SHROOM3: variants seen among roughly 807,000 people sequenced by gnomAD.
SHROOM3 encodes shroom family member 3, also known as protein Shroom3.
A neutral mutation model predicts 138.6 loss-of-function variants in SHROOM3; 47 were observed. The observed-to-expected ratio is 0.34, with a 90% CI of 0.27 to 0.43. The LOEUF is 0.43. Ranked by LOEUF, SHROOM3 falls within the 20% of genes least tolerant of loss-of-function variation. The pLI is 1.00. For synonymous variants in SHROOM3, 1,062 were observed against 1,063.3 expected (o/e 1.00, Z 0.02); for missense variants, 2,491 against 2,596.5 (o/e 0.96, Z 0.88).
intron 4 of SHROOM3, among the ~76,000 whole-genome samples, chr4:76,738,318 A>C (rs1031196319): frequency 5.3e-5 from 8 of 152,210 alleles, no homozygotes; most frequent in Admixed American, 3.3e-4. Context: ...GTGCACACAA[A>C]GTCTCCTTCA....
intron 1 of SHROOM3, among the ~76,000 whole-genome samples, chr4:76,492,170 G>A (rs775725391): frequency 5.9e-5 from 9 of 152,192 alleles, no homozygotes; most frequent in East Asian, 1.9e-4. Flanking sequence ...CAAACTGGGC[G>A]AAAGAAGTAT....
chr4:76,736,979 T>C (rs148086286), intron 4 of SHROOM3, among the ~76,000 whole-genome samples: 22 of 152,348 alleles, frequency 1.4e-4, no homozygotes, highest in African/African-American at 5.3e-4. Flanking sequence ...CTGTTGTGCA[T>C]TTTGTAGGTT....
At chr4:76,497,746 T>C (rs945156223) in intron 1 of SHROOM3, among the ~76,000 whole-genome samples, 2 of 152,152 alleles carry the variant, frequency 1.3e-5, no homozygotes, top group Non-Finnish European at 2.9e-5. Context: ...TAATCCCAGC[T>C]ACTTGGGAAG....
intron 3 of SHROOM3, among the ~76,000 whole-genome samples, chr4:76,719,666 A>T (rs984361688): frequency 1.3e-5 from 2 of 151,414 alleles, no homozygotes; most frequent in Non-Finnish European, 1.5e-5. Context: ...TGGGGAAAAA[A>T]ACATTTCAAT....
chr4:76,615,010 A>G (rs928093721), intron 2 of SHROOM3, among the ~76,000 whole-genome samples: 5 of 152,192 alleles, frequency 3.3e-5, no homozygotes, highest in African/African-American at 1.2e-4. Flanking sequence ...TTCTGGGAAA[A>G]ATGACTGTTG....
intron 5 of SHROOM3, among the ~76,000 whole-genome samples, chr4:76,743,223 CAAAG>C (rs915796593): frequency 4.6e-5 from 7 of 152,170 alleles, no homozygotes; most frequent in Non-Finnish European, 1.0e-4. Context: ...CCAGTTCAGA[CAAAG>C]AAAGATTCAG....
At position 76,754,543 on chromosome 4, in the gene SHROOM3, A is replaced by G. The variant is rs1270547682; in HGVS notation, c.4060A>G (p.Ile1354Val). 7 of 1,613,478 alleles carry G rather than the reference A, an allele frequency of 4.3e-6. No individual in the cohort carries two copies. The highest frequency in any genetic ancestry group is 2.2e-5 in the East Asian group (1 of 44,878). The change falls in exon 7 of 11, where the codon ATT becomes GTT. Residue 1354 changes from isoleucine (I) to valine (V), a missense_variant. Ile to Val is a conservative substitution (Grantham distance 29, BLOSUM62 3). Transcript: ENST00000296043. ...TDTRAAPLTP[I>V]GTPLPSAIPS... The stretch of plus-strand genomic sequence containing the variant: ...CACCAGGGCTGCACCCCTGACCCCA[A>G]TTGGCACCCCTCTGCCTTCAGCCAT...
intron 1 of SHROOM3, among the ~76,000 whole-genome samples, chr4:76,554,443 G>A (rs1174993726): frequency 3.5e-5 from 5 of 141,524 alleles, no homozygotes; most frequent in African/African-American, 1.0e-4. Flanking sequence ...TTTTTGAGAC[G>A]GAGTCTCACT....
At chr4:76,761,620 T>C (rs928729340) in intron 9 of SHROOM3, among the ~76,000 whole-genome samples, 2 of 152,322 alleles carry the variant, frequency 1.3e-5, no homozygotes, top group Middle Eastern at 3.4e-3. Context: ...CTTTAAACCT[T>C]GCTGCCCTGG....
intron 1 of SHROOM3, among the ~76,000 whole-genome samples, chr4:76,467,725 T>G (rs1178531790): frequency 1.3e-5 from 2 of 152,088 alleles, no homozygotes; most frequent in African/African-American, 4.8e-5. Flanking sequence ...TGGAAAGACT[T>G]GAGATGAAGA....
At chr4:76,564,967 CT>C (rs1351430234) in intron 2 of SHROOM3, among the ~76,000 whole-genome samples, 1 of 151,898 alleles carries the variant, frequency 6.6e-6, no homozygotes, top group Non-Finnish European at 1.5e-5. Context: ...CGAGACCAGC[CT>C]GGCCAACATA....
chr4:76,462,469 C>T (rs946425015), intron 1 of SHROOM3, among the ~76,000 whole-genome samples: 3 of 151,798 alleles, frequency 2.0e-5, no homozygotes, highest in Non-Finnish European at 2.9e-5. Context: ...CGAGCCCAAA[C>T]TTCATTTACC....
chr4:76,532,575 T>C (rs748916734), intron 1 of SHROOM3, among the ~76,000 whole-genome samples: 2 of 147,940 alleles, frequency 1.4e-5, no homozygotes, highest in Non-Finnish European at 3.0e-5. Flanking sequence ...GTTTGTGCCT[T>C]TCACCCAAAA....
intron 2 of SHROOM3, among the ~76,000 whole-genome samples, chr4:76,648,089 A>T (rs919985267): frequency 6.6e-6 from 1 of 152,148 alleles, no homozygotes; most frequent in Admixed American, 6.5e-5. Flanking sequence ...GCACTTTGGG[A>T]GGCTAAGACA....
chr4:76,526,192 C>G (rs1015807738), intron 1 of SHROOM3, among the ~76,000 whole-genome samples: 2 of 152,114 alleles, frequency 1.3e-5, no homozygotes, highest in African/African-American at 4.8e-5. Context: ...GATGGTGAAA[C>G]CCCATCTCTA....
intron 1 of SHROOM3, among the ~76,000 whole-genome samples, chr4:76,515,285 C>T (rs909303966): frequency 5.3e-5 from 8 of 151,162 alleles, no homozygotes; most frequent in Middle Eastern, 3.5e-3. Context: ...ACTCAGGAGC[C>T]TGAGGCAGAA....
At chr4:76,573,226 T>C (rs1418515052) in intron 2 of SHROOM3, among the ~76,000 whole-genome samples, 3 of 151,694 alleles carry the variant, frequency 2.0e-5, no homozygotes, top group Admixed American at 6.6e-5. Flanking sequence ...AATACAGATG[T>C]CCTATTAAAT....
chr4:76,472,250 G>C (rs1484056655), intron 1 of SHROOM3, among the ~76,000 whole-genome samples: 1 of 152,136 alleles, frequency 6.6e-6, no homozygotes, highest in Non-Finnish European at 1.5e-5. Context: ...ACACAGTTTT[G>C]TGCAATAATT....
intron 1 of SHROOM3, among the ~76,000 whole-genome samples, chr4:76,480,200 A>C (rs973222057): frequency 1.3e-5 from 2 of 152,246 alleles, no homozygotes; most frequent in African/African-American, 4.8e-5. Flanking sequence ...GGCAAATTGG[A>C]TAAAGAGTCA....
Sources: allele counts gnomAD v4.1 joint callset (sites outside exome capture counted in the v4.1 genomes callset), GRCh38; gene constraint gnomAD v4.1.1; transcripts MANE v1.5; gene names NCBI Gene and HGNC (gene_info 2026-07-23, HGNC 2026-07-21).